Variants in MOBP observed in about 807,000 individuals in gnomAD.
The protein encoded by MOBP is myelin-associated oligodendrocyte basic protein.
A neutral mutation model predicts 15.0 loss-of-function variants in MOBP; 5 were observed. That is an observed-to-expected ratio of 0.33 (90% CI 0.17 to 0.70). The LOEUF (loss-of-function observed/expected upper bound fraction) is 0.70, where lower values mean the gene tolerates loss of function less well. MOBP is among the 30% of genes least tolerant of loss of function. The probability of loss-of-function intolerance (pLI) is 0.67; values close to 1 mark genes in which losing one functional copy is unlikely to be tolerated. For missense variants in MOBP, 188 were observed against 257.8 expected (o/e 0.73, Z 1.85); for synonymous variants, 88 against 99.0 (o/e 0.89, Z 0.66).
chr3:39,528,955 C>G (rs1184427202), downstream of MOBP: 1 of 152,224 alleles, frequency 6.6e-6, no homozygotes, highest in African/African-American at 2.4e-5. Flanking sequence ...CAGTGCTTTC[C>G]TCTGTGCGGG....
chr3:39,487,525 T>C (rs1173188602), intron 2 of MOBP, among the ~76,000 whole-genome samples: 1 of 119,604 alleles, frequency 8.4e-6, no homozygotes, highest in Admixed American at 7.5e-5. Context: ...TTTCTTTTTT[T>C]TTTTTTTTTT....
At chr3:39,495,353 AAATTATTTTAAT>A (rs1262029796) in intron 2 of MOBP, among the ~76,000 whole-genome samples, 1 of 152,196 alleles carries the variant, frequency 6.6e-6, no homozygotes, top group African/African-American at 2.4e-5. Context: ...TGAAGATTAA[AAATTATTTTAAT>A]ATTTGTGGCA....
rs2042996730 is a variant in MOBP, at chr3:39,502,932, G to C, written c.*52G>C. ...GCCCTAAGGTTAGTAGTTGCTTCCTGTGTTTACTAACACCGGGCTGTCTCC... is the reference window on the plus strand; with the variant it reads ...GCCCTAAGGTTAGTAGTTGCTTCCTCTGTTTACTAACACCGGGCTGTCTCC... On this transcript the variant is annotated 3_prime_UTR_variant, in exon 4 of 4. Coordinates refer to ENST00000684792, the MANE Select transcript of MOBP (RefSeq NM_001393704.1). The surrounding 1 kb of genome is among the most constrained non-coding windows in gnomAD (Gnocchi z 6.3). 1 of 828,814 alleles carries C rather than the reference G, an allele frequency of 1.2e-6. No individual in the cohort carries two copies. Among genetic ancestry groups the C allele is most frequent in the Admixed American group, 2.9e-5 (1 of 34,354 alleles). 51.3% of individuals were successfully genotyped at this position (828,814 alleles called of 1,614,324 possible).
Position 39,468,830 on chromosome 3 carries a change from T to C in MOBP, c.-89+1090T>C, listed in dbSNP as rs1416625311. On this transcript the variant is annotated intron_variant, in intron 1 of 3. Transcript: ENST00000684792. ...TATGTGTGTGTATACATATTACATATGTGTGTATATATACATATATACATG... is the reference window on the plus strand; with the variant it reads ...TATGTGTGTGTATACATATTACATACGTGTGTATATATACATATATACATG... Among the ~76,000 whole-genome samples, 2 of 117,024 alleles carry C rather than the reference T, an allele frequency of 1.7e-5. 1 individual carries two copies. The highest frequency in any genetic ancestry group is 5.1e-4 in the South Asian group (2 of 3,940). The allele number at this position is 117,024 out of a possible 152,430, so 76.8% of individuals were successfully genotyped here. A position where few individuals can be genotyped will look rare whatever the true frequency, so the allele number is the denominator to read the frequency against.
At chr3:39,524,448 C>T (rs2043303762) in exon 5 of MOBP, 1 of 151,646 alleles carries the variant, frequency 6.6e-6, no homozygotes, top group African/African-American at 2.4e-5. Flanking sequence ...CTTCAGGACT[C>T]AAGTTTCTTC....
At chr3:39,471,152 G>C (rs915818355) in intron 1 of MOBP, among the ~76,000 whole-genome samples, 2 of 144,084 alleles carry the variant, frequency 1.4e-5, no homozygotes, top group African/African-American at 5.3e-5. Flanking sequence ...TTTTTGCGAT[G>C]GAGTCTCACT....
chr3:39,497,921 C>T (rs1010000678), intron 2 of MOBP, among the ~76,000 whole-genome samples: 1 of 152,112 alleles, frequency 6.6e-6, no homozygotes, highest in African/African-American at 2.4e-5. Flanking sequence ...AAGTGAGGTA[C>T]AGAAACAGCT....
chr3:39,488,676 C>A (rs1471319682), intron 2 of MOBP, among the ~76,000 whole-genome samples: 2 of 152,160 alleles, frequency 1.3e-5, no homozygotes, highest in African/African-American at 2.4e-5. Context: ...TCCCCCCAGC[C>A]TTCCCCACCT....
chr3:39,513,236 A>G (rs1227510084), intron 4 of MOBP: 14 of 604,306 alleles, frequency 2.3e-5, no homozygotes, highest in East Asian at 6.0e-5. Context: ...GACTACCAGA[A>G]TTAAGAAATT....
chr3:39,490,901 G>A lies in MOBP; in HGVS notation c.-5+10778G>A, dbSNP rs116544281. Among the ~76,000 whole-genome samples the A allele has an allele frequency of 4.9e-3, 744 of 152,258 alleles. 8 individuals carry two copies. The highest frequency in any genetic ancestry group is 0.017 in the African/African-American group (687 of 41,536). The stretch of plus-strand genomic sequence containing the variant: ...TTTTTCTAATCATTTGAAGGCACAG[G>A]GGGTGATGGTGTGGGTTTTGAGAAA... On this transcript the variant is annotated intron_variant, in intron 2 of 3. Transcript: ENST00000684792.
intron 4 of MOBP, among the ~76,000 whole-genome samples, chr3:39,510,659 C>T (rs2125666539): frequency 6.6e-6 from 1 of 151,958 alleles, no homozygotes; most frequent in African/African-American, 2.4e-5. Context: ...ATCATGTATC[C>T]TGTGATTTTG....
intron 2 of MOBP, among the ~76,000 whole-genome samples, chr3:39,483,537 C>G (rs899659417): frequency 6.6e-6 from 1 of 152,136 alleles, no homozygotes; most frequent in Non-Finnish European, 1.5e-5. Flanking sequence ...ATACATTAGC[C>G]CATCAGATAA....
At chr3:39,471,073 T>C (rs1255154171) in intron 1 of MOBP, among the ~76,000 whole-genome samples, 15 of 152,078 alleles carry the variant, frequency 9.9e-5, no homozygotes, top group Admixed American at 9.8e-4. Flanking sequence ...ATGCATTAAA[T>C]GTTAAATGTA....
chr3:39,468,792 G>A (rs1478396868), intron 1 of MOBP, among the ~76,000 whole-genome samples: 4 of 46,034 alleles, frequency 8.7e-5, no homozygotes, highest in African/African-American at 5.5e-4. Context: ...ATACATGTGT[G>A]TGTATATATA....
downstream of MOBP, chr3:39,528,239 C>T (rs2043353937): frequency 1.3e-5 from 2 of 152,124 alleles, no homozygotes; most frequent in Admixed American, 6.6e-5. Context: ...GTGATTTATG[C>T]TCTTGGATAT....
In MOBP at chr3:39,469,030, A is replaced by G. The variant is rs1358285371; in HGVS notation, c.-89+1290A>G. ...TACATATATACATATGTGTGTATAT[A>G]TATACATATATACATATGTGTGTGT... On this transcript the variant is annotated intron_variant, in intron 1 of 3. Coordinates refer to ENST00000684792, the MANE Select transcript of MOBP (RefSeq NM_001393704.1). Among the ~76,000 whole-genome samples the G allele has an allele frequency of 3.6e-4, 26 of 72,114 alleles. 1 individual carries two copies. The highest frequency in any genetic ancestry group is 4.9e-4 in the Admixed American group (4 of 8,146). 47.3% of individuals were successfully genotyped at this position (72,114 alleles called of 152,430 possible). A position where few individuals can be genotyped will look rare whatever the true frequency, so the allele number is the denominator to read the frequency against.
chr3:39,518,019 A>T (rs917729127), downstream of MOBP, among the ~76,000 whole-genome samples: 2 of 152,256 alleles, frequency 1.3e-5, no homozygotes, highest in African/African-American at 2.4e-5. Context: ...CAAATCAGTT[A>T]TCTATCATAA....
At chr3:39,469,190 G>A (rs147152204) in intron 1 of MOBP, among the ~76,000 whole-genome samples, 856 of 59,970 alleles carry the variant, frequency 0.014, 39 homozygotes, top group African/African-American at 0.018. Flanking sequence ...GTGTGTGTGT[G>A]TATATACATA....
chr3:39,518,156 C>T (rs563419814), downstream of MOBP, among the ~76,000 whole-genome samples: 1 of 152,324 alleles, frequency 6.6e-6, no homozygotes, highest in East Asian at 1.9e-4. Context: ...TTCACAACTT[C>T]AGGCTGGGGA....
Sources: allele counts gnomAD v4.1 joint callset (sites outside exome capture counted in the v4.1 genomes callset), GRCh38; gene constraint gnomAD v4.1.1; non-coding constraint Gnocchi (gnomAD v3.1); transcripts MANE v1.5; gene names NCBI Gene and HGNC (gene_info 2026-07-23, HGNC 2026-07-21).